ATXN7: variants seen among roughly 807,000 people sequenced by gnomAD.
ATXN7 encodes ataxin-7.
ATXN7 carries 12 observed loss-of-function variants against 70.5 expected under a neutral mutation model. That is an observed-to-expected ratio of 0.17 (90% CI 0.11 to 0.28). The LOEUF (loss-of-function observed/expected upper bound fraction) is 0.28. ATXN7 is among the 10% of genes least tolerant of loss of function. The pLI, the probability that ATXN7 is intolerant of heterozygous loss-of-function variation, is 1.00. For synonymous variants in ATXN7, 498 were observed against 448.7 expected, an observed-to-expected ratio of 1.11 and a Z score of -1.39; for missense variants, 1,256 against 1,131.7, an observed-to-expected ratio of 1.11 and a Z score of -1.58.
intron 2 of ATXN7, among the ~76,000 whole-genome samples, chr3:63,907,729 C>A (rs1216817658): frequency 6.6e-6 from 1 of 151,466 alleles, no homozygotes; most frequent in Non-Finnish European, 1.5e-5. Context: ...TTACAGGCAT[C>A]AGACCATCAC....
intron 1 of ATXN7, among the ~76,000 whole-genome samples, chr3:63,868,741 C>A (rs1412557102): frequency 6.6e-6 from 1 of 152,128 alleles, no homozygotes; most frequent in African/African-American, 2.4e-5. Context: ...TTAACATTTT[C>A]TCTTCACTTA....
rs371417290 is a variant in ATXN7 at position 63,881,236 on chromosome 3, C to G, written c.-111+17078C>G. Among the ~76,000 whole-genome samples the G allele has an allele frequency of 3.8e-5, 5 of 130,640 alleles. No homozygotes were observed. The East Asian group carries it at 6.6e-4, about 17-fold the overall frequency. The allele number at this position is 130,640 out of a possible 152,430, so 85.7% of individuals were successfully genotyped here. On this transcript the variant is annotated intron_variant, in intron 1 of 12. Coordinates refer to ENST00000674280, the MANE Select transcript of ATXN7 (RefSeq NM_001377405.1). Reference sequence around the variant, plus strand: ...ATTCAAAAAAATGGATTACTCTTAGCCATGCCTTTTTGTGATTGAGTAGTA... The same window carrying G: ...ATTCAAAAAAATGGATTACTCTTAGGCATGCCTTTTTGTGATTGAGTAGTA...
chr3:63,865,925 A>AAAAAAAAAG (rs1702409587), intron 1 of ATXN7, among the ~76,000 whole-genome samples: 1 of 147,038 alleles, frequency 6.8e-6, no homozygotes, highest in Non-Finnish European at 1.5e-5. Flanking sequence ...AAAAAAAAAA[A>AAAAAAAAAG]GAAAGTAATT....
At chr3:63,880,443 T>G (rs1702876631) in intron 1 of ATXN7, among the ~76,000 whole-genome samples, 1 of 152,216 alleles carries the variant, frequency 6.6e-6, no homozygotes, top group Admixed American at 6.5e-5. Flanking sequence ...CATTGCTGTT[T>G]CCTTAAGGGC....
intron 8 of ATXN7, among the ~76,000 whole-genome samples, chr3:63,984,238 C>T (rs971996514): frequency 2.6e-5 from 4 of 151,692 alleles, no homozygotes; most frequent in Admixed American, 2.0e-4. Flanking sequence ...GTCCATCTTC[C>T]GAGAATAAAA....
intron 5 of ATXN7, among the ~76,000 whole-genome samples, 161 bp from the exon 6 acceptor site, chr3:63,979,754 G>A (rs2075454804): frequency 6.6e-6 from 1 of 152,086 alleles, no homozygotes; most frequent in South Asian, 2.1e-4. Flanking sequence ...TAAGTCTGTG[G>A]GGCCTAGATG....
chr3:63,925,866 G>A (rs923751295), intron 4 of ATXN7, among the ~76,000 whole-genome samples: 1 of 152,118 alleles, frequency 6.6e-6, no homozygotes, highest in African/African-American at 2.4e-5. Flanking sequence ...ATCAGTGTGT[G>A]GGAGCCTGGA....
intron 6 of ATXN7, among the ~76,000 whole-genome samples, 174 bp from the exon 7 acceptor site, chr3:63,982,012 T>C (rs894177998): frequency 3.3e-5 from 5 of 152,196 alleles, no homozygotes; most frequent in African/African-American, 1.2e-4. Context: ...GAAGGGCTTA[T>C]AGACTTAATC....
intron 8 of ATXN7, among the ~76,000 whole-genome samples, chr3:63,983,475 G>C (rs1474458098): frequency 6.6e-6 from 1 of 151,564 alleles, no homozygotes; most frequent in Non-Finnish European, 1.5e-5. Flanking sequence ...AAATATCCCT[G>C]TTTTCTAGTT....
At chr3:63,996,676 C>A in intron 12 of ATXN7, 193 bp downstream of exon 12, 1 of 665,882 alleles carries the variant, frequency 1.5e-6, no homozygotes, top group Non-Finnish European at 2.4e-6. Flanking sequence ...ACAGGCTCTT[C>A]TGCCAGAATT....
At chr3:63,916,750 A>G (rs745370693) in intron 4 of ATXN7, among the ~76,000 whole-genome samples, 4 of 152,246 alleles carry the variant, frequency 2.6e-5, no homozygotes, top group Non-Finnish European at 5.9e-5. Flanking sequence ...CAAGTAGGCA[A>G]ATGTTAAGAC....
rs138148946 is a variant in ATXN7 at position 63,998,487 on chromosome 3, C to A, written c.2662-963C>A. ...CCATTTTGCCACCTTTGATTTTTAC[C>A]ATGTAGTGGCACTATGTCTTACTAG... is the stretch of plus-strand genomic sequence containing the variant. On this transcript the variant is annotated intron_variant, in intron 12 of 12. Transcript: ENST00000674280. The A allele has an allele frequency of 4.1e-6, 4 of 985,126 alleles. No individual in the cohort carries two copies. The East Asian group carries it at 4.5e-4, about 112-fold the overall frequency. The allele number at this position is 985,126 out of a possible 1,614,324, so 61.0% of individuals were successfully genotyped here. A position where few individuals can be genotyped will look rare whatever the true frequency, so the allele number is the denominator to read the frequency against.
In ATXN7 at chr3:63,912,604, G is replaced by A; in HGVS notation, c.6G>A (p.Ser2=). The A allele has an allele frequency of 9.1e-7, 1 of 1,099,836 alleles. No individual in the cohort carries two copies. Among genetic ancestry groups the A allele is most frequent in the Non-Finnish European group, 1.1e-6 (1 of 891,122 alleles). The allele number at this position is 1,099,836 out of a possible 1,614,324, so 68.1% of individuals were successfully genotyped here. The change falls in exon 3 of 13, where the codon TCG becomes TCA. Residue 2 remains serine, a synonymous_variant. Transcript: ENST00000674280. M[S]ERAADDVRGE... ...ACATTGTAGGAGCGGAAAGAATGTCGGAGCGGGCCGCGGATGACGTCAGGG... is the reference window on the plus strand; with the variant it reads ...ACATTGTAGGAGCGGAAAGAATGTCAGAGCGGGCCGCGGATGACGTCAGGG...
At chr3:63,990,512 G>A (rs1424321009) in intron 10 of ATXN7, 138 bp downstream of exon 10, 3 of 1,216,870 alleles carry the variant, frequency 2.5e-6, no homozygotes, top group East Asian at 2.5e-5. Flanking sequence ...AAAACAGGGT[G>A]CCCCAGAGGC....
intron 5 of ATXN7, among the ~76,000 whole-genome samples, chr3:63,974,090 C>G (rs1412521961): frequency 6.6e-6 from 1 of 151,992 alleles, no homozygotes; most frequent in Non-Finnish European, 1.5e-5. Context: ...CGTCGGAGAC[C>G]CTCCCCTGTC....
intron 4 of ATXN7, among the ~76,000 whole-genome samples, chr3:63,943,652 G>C (rs1006291503): frequency 6.6e-6 from 1 of 152,158 alleles, no homozygotes; most frequent in African/African-American, 2.4e-5. Flanking sequence ...GTAAGTGGCA[G>C]GGCTGGGATT....
chr3:63,881,432 A>C (rs976530881), intron 1 of ATXN7, among the ~76,000 whole-genome samples: 4 of 152,006 alleles, frequency 2.6e-5, no homozygotes, highest in African/African-American at 9.7e-5. Context: ...CAAATACTCT[A>C]AGAGAACTTT....
Position 63,952,374 on chromosome 3 carries a change from T to G in ATXN7, c.395-5T>G. 1 of 1,604,428 alleles carries G rather than the reference T, an allele frequency of 6.2e-7. No individual in the cohort carries two copies. Among genetic ancestry groups the G allele is most frequent in the Non-Finnish European group, 8.5e-7 (1 of 1,174,878 alleles). Reference sequence around the variant, plus strand: ...AGTGAGTGATGCTCTGTTTCTGTGTTGCAGACATGCCAATATTTGGTTTCT... The same window carrying G: ...AGTGAGTGATGCTCTGTTTCTGTGTGGCAGACATGCCAATATTTGGTTTCT... On this transcript the variant is annotated splice_polypyrimidine_tract_variant and splice_region_variant and intron_variant, in intron 4 of 12. Coordinates refer to ENST00000674280, the MANE Select transcript of ATXN7 (RefSeq NM_001377405.1).
intron 4 of ATXN7, among the ~76,000 whole-genome samples, chr3:63,930,947 A>T (rs1422527629): frequency 6.6e-6 from 1 of 152,212 alleles, no homozygotes; most frequent in Non-Finnish European, 1.5e-5. Context: ...GAACTTGCGC[A>T]TTGATTTTGT....
Sources: gnomAD v4.1 joint callset for allele counts (sites outside exome capture counted in the v4.1 genomes callset) on GRCh38, gnomAD v4.1.1 for gene constraint, MANE v1.5 for transcripts, NCBI Gene and HGNC (gene_info 2026-07-23, HGNC 2026-07-21) for gene names.